LRRC4C: variants seen among roughly 807,000 people sequenced by gnomAD.
LRRC4C encodes leucine-rich repeat-containing protein 4C.
A neutral mutation model predicts 33.6 loss-of-function variants in LRRC4C; 5 were observed. That is an observed-to-expected ratio of 0.15 (90% CI 0.08 to 0.31). The LOEUF is 0.31. Among genes scored for constraint, LRRC4C ranks in the 10% least tolerant of loss-of-function variants. LRRC4C has a pLI of 1.00. For synonymous variants in LRRC4C, 329 were observed against 302.0 expected, an observed-to-expected ratio of 1.09 and a Z score of -0.93; for missense variants, 560 against 796.7, an observed-to-expected ratio of 0.70 and a Z score of 3.58.
At chr11:40,902,825 A>G (rs760855942) in intron 2 of LRRC4C, among the ~76,000 whole-genome samples, 26 of 152,156 alleles carry the variant, frequency 1.7e-4, no homozygotes, top group African/African-American at 2.4e-4. Context: ...GAACCTGCAG[A>G]AGAAAAGTTT....
intron 3 of LRRC4C, among the ~76,000 whole-genome samples, chr11:40,567,590 A>G (rs1957815882): frequency 6.6e-6 from 1 of 152,198 alleles, no homozygotes; most frequent in African/African-American, 2.4e-5. Flanking sequence ...ATAAACAGAG[A>G]TAAGATATAT....
chr11:40,581,889 C>T (rs149992127), intron 3 of LRRC4C, among the ~76,000 whole-genome samples: 2 of 151,764 alleles, frequency 1.3e-5, no homozygotes, highest in African/African-American at 2.4e-5. Flanking sequence ...GGTGACAGAG[C>T]GAGACTCTGT....
intron 3 of LRRC4C, among the ~76,000 whole-genome samples, chr11:40,381,383 C>T (rs1399153064): frequency 6.6e-6 from 1 of 152,060 alleles, no homozygotes; most frequent in Non-Finnish European, 1.5e-5. Context: ...TGCCCTAGAA[C>T]AACTGTAGCC....
chr11:40,284,083 A>C (rs1360145057), intron 4 of LRRC4C, among the ~76,000 whole-genome samples: 2 of 152,164 alleles, frequency 1.3e-5, no homozygotes, highest in Admixed American at 1.3e-4. Flanking sequence ...AGCTATCACA[A>C]ATATATGAAC....
chr11:40,184,064 T>C (rs1861218045), intron 5 of LRRC4C, among the ~76,000 whole-genome samples: 1 of 152,156 alleles, frequency 6.6e-6, no homozygotes, highest in Non-Finnish European at 1.5e-5. Flanking sequence ...AAAAATCAGA[T>C]GTTAAGCTGG....
At chr11:40,939,288 T>C (rs1458137995) in intron 1 of LRRC4C, among the ~76,000 whole-genome samples, 1 of 152,216 alleles carries the variant, frequency 6.6e-6, no homozygotes, top group Non-Finnish European at 1.5e-5. Flanking sequence ...GCTCTGGTTT[T>C]AGTGCTCACA....
At chr11:41,443,711 G>A (rs1186012994) in intron 1 of LRRC4C, among the ~76,000 whole-genome samples, 2 of 151,066 alleles carry the variant, frequency 1.3e-5, no homozygotes, top group Non-Finnish European at 2.9e-5. Flanking sequence ...CGCCTACCAG[G>A]TTCATGTGAT....
Position 40,777,489 on chromosome 11 carries a change from C to CT in LRRC4C, c.-406-129212dup, listed in dbSNP as rs796713159. Among the ~76,000 whole-genome samples the CT allele has an allele frequency of 1.8e-4, 19 of 106,558 alleles. 1 individual carries two copies. Among genetic ancestry groups the CT allele is most frequent in the African/African-American group, 7.0e-4 (19 of 27,078 alleles). 69.9% of individuals were successfully genotyped at this position (106,558 alleles called of 152,430 possible). A position where few individuals can be genotyped will look rare whatever the true frequency, so the allele number is the denominator to read the frequency against. On this transcript the variant is annotated intron_variant, in intron 2 of 6. Coordinates refer to ENST00000528697, the MANE Select transcript of LRRC4C (RefSeq NM_001258419.2). ...TCATTATATAATACCATTCTTTGTC[C>CT]TTTTTTACTGTTTTTTTTTTTTTTT... is the stretch of plus-strand genomic sequence containing the variant.
intron 1 of LRRC4C, among the ~76,000 whole-genome samples, chr11:41,274,556 T>C (rs1949420134): frequency 6.6e-6 from 1 of 152,030 alleles, no homozygotes; most frequent in Non-Finnish European, 1.5e-5. Context: ...ACTTCCTGGA[T>C]GGAGTAGGTC....
chr11:40,410,867 T>C (rs1437145022), intron 3 of LRRC4C, among the ~76,000 whole-genome samples: 2 of 152,148 alleles, frequency 1.3e-5, no homozygotes, highest in African/African-American at 2.4e-5. Flanking sequence ...CCAATTAGCT[T>C]TCTTGGCAGT....
chr11:40,728,443 A>G (rs889452368), intron 2 of LRRC4C, among the ~76,000 whole-genome samples: 1 of 150,318 alleles, frequency 6.7e-6, no homozygotes, highest in African/African-American at 2.4e-5. Flanking sequence ...GTTCTCTACT[A>G]AAAAAAGAAA....
chr11:40,182,174 A>C (rs1350480270), intron 5 of LRRC4C, among the ~76,000 whole-genome samples: 1 of 152,238 alleles, frequency 6.6e-6, no homozygotes, highest in Admixed American at 6.5e-5. Context: ...AAAGTTTATT[A>C]AACACTTTCT....
intron 2 of LRRC4C, among the ~76,000 whole-genome samples, chr11:40,858,228 A>T (rs553160950): frequency 8.5e-5 from 13 of 152,330 alleles, no homozygotes; most frequent in Non-Finnish European, 1.5e-4. Context: ...CTATCATGGC[A>T]CAAAGTTTCA....
At chr11:40,870,237 C>CA (rs1954567712) in intron 2 of LRRC4C, among the ~76,000 whole-genome samples, 1 of 151,950 alleles carries the variant, frequency 6.6e-6, no homozygotes, top group Non-Finnish European at 1.5e-5. Flanking sequence ...AAAAAAATTC[C>CA]AATTCCAATC....
intron 1 of LRRC4C, among the ~76,000 whole-genome samples, chr11:41,394,240 C>T (rs1038237316): frequency 2.6e-5 from 4 of 151,814 alleles, no homozygotes; most frequent in Non-Finnish European, 4.4e-5. Context: ...GTTTCCACAA[C>T]GGAAAAGAAA....
intron 3 of LRRC4C, among the ~76,000 whole-genome samples, chr11:40,521,341 A>G (rs1206966261): frequency 1.3e-5 from 2 of 152,256 alleles, no homozygotes; most frequent in African/African-American, 4.8e-5. Flanking sequence ...CTTAATGAAT[A>G]GTGAGTAATA....
intron 1 of LRRC4C, among the ~76,000 whole-genome samples, chr11:41,141,658 C>T (rs1393326170): frequency 2.0e-5 from 3 of 152,104 alleles, no homozygotes; most frequent in Non-Finnish European, 4.4e-5. Context: ...TTATAAGCAT[C>T]TGGCATTTCC....
At chr11:40,848,845 A>G (rs992828371) in intron 2 of LRRC4C, among the ~76,000 whole-genome samples, 6 of 152,198 alleles carry the variant, frequency 3.9e-5, no homozygotes, top group African/African-American at 1.4e-4. Context: ...GGGTGCATAT[A>G]TACTTAGAAT....
At chr11:41,376,638 T>C (rs529543649) in intron 1 of LRRC4C, among the ~76,000 whole-genome samples, 1 of 152,290 alleles carries the variant, frequency 6.6e-6, no homozygotes, top group African/African-American at 2.4e-5. Context: ...TTGGGAAGTA[T>C]TGTTAGCGAT....
Sources: gnomAD v4.1 joint callset for allele counts (sites outside exome capture counted in the v4.1 genomes callset) on GRCh38, gnomAD v4.1.1 for gene constraint, MANE v1.5 for transcripts, NCBI Gene and HGNC (gene_info 2026-07-23, HGNC 2026-07-21) for gene names.